Variants in COL3A1 observed in about 807,000 individuals in gnomAD.
COL3A1 encodes collagen type III alpha 1 chain, also known as collagen alpha-1(III) chain.
COL3A1 carries 46 observed loss-of-function variants against 200.9 expected under a neutral mutation model. The ratio of observed to expected loss-of-function variants is 0.23; its 90% CI spans 0.18 to 0.29. The LOEUF is 0.29. Ranked by LOEUF, COL3A1 falls within the 10% of genes least tolerant of loss-of-function variation. The pLI is 1.00. For synonymous variants in COL3A1, 650 were observed against 628.0 expected (o/e 1.03, Z -0.52); for missense variants, 1,367 against 1,917.6 (o/e 0.71, Z 5.36).
At chr2:188,985,900 T>C in intron 4 of COL3A1, 122 bp downstream of exon 4, 1 of 729,776 alleles carries the variant, frequency 1.4e-6, no homozygotes, top group South Asian at 1.6e-5. Context: ...ATTCAGTGTA[T>C]TTAATAAATC....
intron 47 of COL3A1, 85 bp from the exon 48 acceptor site, chr2:189,008,839 A>G: frequency 7.2e-7 from 1 of 1,390,350 alleles, no homozygotes; most frequent in Non-Finnish European, 1.0e-6. Flanking sequence ...AATTATTTTT[A>G]AGGCATTTTC....
At chr2:188,982,550 T>C (rs1687974485) in intron 1 of COL3A1, among the ~76,000 whole-genome samples, 1 of 151,878 alleles carries the variant, frequency 6.6e-6, no homozygotes, top group Non-Finnish European at 1.5e-5. Flanking sequence ...TTCATTTGTC[T>C]TTAATATGCC....
chr2:188,979,581 C>T (rs1489252699), intron 1 of COL3A1, among the ~76,000 whole-genome samples: 1 of 151,622 alleles, frequency 6.6e-6, no homozygotes, highest in Admixed American at 6.6e-5. Flanking sequence ...AACCCTTCTT[C>T]ATAAGGTCAA....
At chr2:188,999,661 C>T (rs1410187959) in intron 31 of COL3A1, 84 bp downstream of exon 31, 8 of 1,455,038 alleles carry the variant, frequency 5.5e-6, no homozygotes, top group Non-Finnish European at 7.6e-6. Flanking sequence ...AAGTAATCGA[C>T]TGTATTTTCA....
intron 1 of COL3A1, among the ~76,000 whole-genome samples, chr2:188,978,550 T>G (rs1047706614): frequency 2.6e-5 from 4 of 152,006 alleles, no homozygotes; most frequent in Admixed American, 1.3e-4. Flanking sequence ...TTGTAACATC[T>G]AATGATATCA....
chr2:188,978,415 C>T (rs1687873073), intron 1 of COL3A1, among the ~76,000 whole-genome samples: 1 of 151,974 alleles, frequency 6.6e-6, no homozygotes. Flanking sequence ...CATCTACGGT[C>T]ACATGCTGGA....
At chr2:188,995,870 A>G in intron 22 of COL3A1, 80 bp downstream of exon 22, 1 of 1,232,760 alleles carries the variant, frequency 8.1e-7, no homozygotes. Flanking sequence ...ATCAAAAGCA[A>G]CTTAAATCAA....
rs1424813257 is a variant in COL3A1, at chr2:188,988,658, A to C, written c.636+15A>C. The C allele has an allele frequency of 6.3e-7, 1 of 1,585,260 alleles. No homozygotes were observed. ...CTGGTCCTTCAGTAAGTAACAATTAAATTTATATTTAGTAAGTCGATAATT... is the reference window on the plus strand; with the variant it reads ...CTGGTCCTTCAGTAAGTAACAATTACATTTATATTTAGTAAGTCGATAATT... On this transcript the variant is annotated intron_variant, in intron 7 of 50. Coordinates refer to ENST00000304636, the MANE Select transcript of COL3A1 (RefSeq NM_000090.4).
rs1275851079 is a variant in COL3A1, at chr2:189,008,975, C to G, written c.3577C>G (p.Pro1193Ala). 2 of 1,614,036 alleles carry G rather than the reference C, an allele frequency of 1.2e-6. No homozygotes were observed. Among genetic ancestry groups the G allele is most frequent in the Non-Finnish European group, 1.7e-6 (2 of 1,180,028 alleles). ...QPGPPGPPGA[P>A]GPCCGGVGAA... ...AGGCCCTCCTGGACCTCCTGGTGCC[C>G]CTGGTCCTTGCTGTGGTGGTGTTGG... Residue 1193 changes from proline to alanine, a missense_variant, in exon 48 of 51, where the codon CCT (proline) becomes GCT (alanine). Physicochemically the swap from Pro to Ala is conservative, Grantham distance 27. Around this residue, in one of 5 missense-constraint regions of COL3A1, gnomAD observed 846 missense variants for 1,147.9 expected, o/e 0.74. Transcript: ENST00000304636.
At chr2:188,976,258 G>T (rs559190428) in intron 1 of COL3A1, among the ~76,000 whole-genome samples, 6 of 151,970 alleles carry the variant, frequency 3.9e-5, no homozygotes, top group African/African-American at 1.4e-4. Flanking sequence ...AAGCACTGTG[G>T]CTATTTTTCT....
rs1463973775 is a variant in COL3A1, at chr2:188,999,899, A to G, written c.2283+4A>G. On this transcript the variant is annotated splice_donor_region_variant and intron_variant, in intron 32 of 50. Coordinates refer to ENST00000304636, the MANE Select transcript of COL3A1 (RefSeq NM_000090.4). ...CCCAGGGAAAGATGGCCCAAGGGTGAGTATTCCCAGTGAGGAGAAGCAGGC... is the reference window on the plus strand; with the variant it reads ...CCCAGGGAAAGATGGCCCAAGGGTGGGTATTCCCAGTGAGGAGAAGCAGGC... 3 of 1,585,952 alleles carry G rather than the reference A, an allele frequency of 1.9e-6. No homozygotes were observed. The East Asian group carries it at 6.8e-5, about 36-fold the overall frequency.
At chr2:189,010,151 T>A in intron 48 of COL3A1, 27 bp from the exon 49 acceptor site, 1 of 1,611,272 alleles carries the variant, frequency 6.2e-7, no homozygotes, top group Non-Finnish European at 8.5e-7. Flanking sequence ...TTATAACCAA[T>A]TCCCATTCTT....
At chr2:188,988,244 A>G in intron 6 of COL3A1, 110 bp downstream of exon 6, 1 of 964,208 alleles carries the variant, frequency 1.0e-6, no homozygotes, top group Admixed American at 1.8e-5. Flanking sequence ...AGTTAACTAG[A>G]GAAATCATAA....
intron 40 of COL3A1, among the ~76,000 whole-genome samples, chr2:189,004,872 G>A (rs1688553185): frequency 6.6e-6 from 1 of 152,056 alleles, no homozygotes; most frequent in African/African-American, 2.4e-5. Flanking sequence ...TCGTATTATG[G>A]CACTTTAAGT....
At chr2:188,991,836 T>C in intron 13 of COL3A1, 114 bp downstream of exon 13, 1 of 1,022,300 alleles carries the variant, frequency 9.8e-7, no homozygotes, top group Admixed American at 1.7e-5. Context: ...CCTACAAAAT[T>C]ATACTCAATG....
Position 189,010,817 on chromosome 2 carries a change from G to A in COL3A1, c.4181G>A (p.Gly1394Glu). The stretch of plus-strand genomic sequence containing the variant: ...GTAAAGAAGGCCCTGAAGCTGATGG[G>A]GTCAAATGAAGGTGAATTCAAGGCT... ...GNVKKALKLM[G>E]SNEGEFKAEG... is the part of the protein sequence containing the mutation. Residue 1394 changes from glycine to glutamate, a missense_variant, in exon 50 of 51, where the codon GGG becomes GAG. Physicochemically the swap from Gly to Glu is moderately conservative, Grantham distance 98. Transcript: ENST00000304636. The A allele has an allele frequency of 6.2e-7, 1 of 1,614,088 alleles. No homozygotes were observed.
intron 11 of COL3A1, 138 bp downstream of exon 11, chr2:188,991,195 C>G: frequency 2.3e-6 from 2 of 867,786 alleles, no homozygotes; most frequent in Non-Finnish European, 3.6e-6. Flanking sequence ...ATAATGGTAA[C>G]CAATTCAGAT....
At chr2:188,997,245 T>C (rs758160371) in intron 25 of COL3A1, 27 bp downstream of exon 25, 1 of 1,613,954 alleles carries the variant, frequency 6.2e-7, no homozygotes, top group Non-Finnish European at 8.5e-7. Context: ...AATTTATTTC[T>C]AGCCTTCTAA....
chr2:188,997,787 CT>C (rs1688363262), intron 27 of COL3A1, 34 bp downstream of exon 27: 2 of 1,598,648 alleles, frequency 1.3e-6, no homozygotes, highest in East Asian at 4.5e-5. Flanking sequence ...CACGGCATAT[CT>C]GACTGTCAAA....
Sources: gnomAD v4.1 joint callset for allele counts (sites outside exome capture counted in the v4.1 genomes callset) on GRCh38, gnomAD v4.1.1 for gene constraint, gnomAD v4.1.1 regional missense constraint, MANE v1.5 for transcripts, NCBI Gene and HGNC (gene_info 2026-07-23, HGNC 2026-07-21) for gene names.